The following DCDC2 variants were observed in gnomAD, a reference collection of about 807,000 sequenced individuals.
The protein encoded by DCDC2 is doublecortin domain-containing protein 2.
DCDC2 carries 40 observed loss-of-function variants against 50.2 expected under a neutral mutation model. The ratio of observed to expected loss-of-function variants is 0.80; its 90% CI spans 0.62 to 1.04. The LOEUF is 1.04. Among genes scored for constraint, DCDC2 ranks in the 50% least tolerant of loss-of-function variants. The pLI, the probability that DCDC2 is intolerant of heterozygous loss-of-function variation, is 0.00. For synonymous variants in DCDC2, 234 were observed against 210.6 expected, an observed-to-expected ratio of 1.11 and a Z score of -0.96; for missense variants, 570 against 581.9, an observed-to-expected ratio of 0.98 and a Z score of 0.21.
At chr6:24,249,580 T>C (rs1762756219) in intron 7 of DCDC2, among the ~76,000 whole-genome samples, 2 of 152,210 alleles carry the variant, frequency 1.3e-5, no homozygotes, top group African/African-American at 4.8e-5. Context: ...TATCTCCTTA[T>C]ACTCTTATGT....
At chr6:24,185,663 C>A (rs11965772) in intron 8 of DCDC2, among the ~76,000 whole-genome samples, 1 of 149,058 alleles carries the variant, frequency 6.7e-6, no homozygotes, top group Admixed American at 6.8e-5. Context: ...GAAGGAACAC[C>A]GGGTTTTACA....
At chr6:24,277,595 C>T (rs114215472) in intron 7 of DCDC2, among the ~76,000 whole-genome samples, 2,213 of 152,184 alleles carry the variant, frequency 0.015, 56 homozygotes, top group African/African-American at 0.05. Flanking sequence ...TTATTGTTTA[C>T]TGATAAAATG....
chr6:24,230,388 TC>T (rs1762315792), intron 7 of DCDC2, among the ~76,000 whole-genome samples: 1 of 152,058 alleles, frequency 6.6e-6, no homozygotes, highest in South Asian at 2.1e-4. Context: ...AAGCCTATAA[TC>T]CCAGCATTTT....
rs879275376 is a variant in DCDC2 at position 24,327,474 on chromosome 6, T to TGA, written c.349-25431_349-25430insTC. On this transcript the variant is annotated intron_variant, in intron 2 of 9. Coordinates refer to ENST00000378454, the MANE Select transcript of DCDC2 (RefSeq NM_016356.5). ...TAAACTTATTTATTTATTTATTTAT[T>TGA]TATTTATTTATTGGCTGATACGGAG... Among the ~76,000 whole-genome samples the TGA allele has an allele frequency of 5.5e-3, 777 of 142,470 alleles. 41 individuals carry two copies. The highest frequency in any genetic ancestry group is 6.2e-3 in the African/African-American group (236 of 37,894). The allele number at this position is 142,470 out of a possible 152,430, so 93.5% of individuals were successfully genotyped here.
rs544475192 is a variant in DCDC2, at chr6:24,299,955, T to C, written c.557+1760A>G. Among the ~76,000 whole-genome samples, 116 of 151,962 alleles carry C rather than the reference T, an allele frequency of 7.6e-4. No individual in the cohort carries two copies. The Middle Eastern group carries it at 0.01, about 13-fold the overall frequency. On this transcript the variant is annotated intron_variant, in intron 4 of 9. Transcript: ENST00000378454. The stretch of plus-strand genomic sequence containing the variant: ...AAAAATAAAAATAAATAAAATACTT[T>C]GTAGTCATTAAAAATAATAAAATAG...
intron 7 of DCDC2, among the ~76,000 whole-genome samples, chr6:24,270,364 A>AT (rs1431426920): frequency 6.6e-6 from 1 of 152,184 alleles, no homozygotes; most frequent in African/African-American, 2.4e-5. Flanking sequence ...CACCATCAAG[A>AT]TGTTCTAAAG....
At chr6:24,191,210 G>A (rs193081582) in intron 8 of DCDC2, among the ~76,000 whole-genome samples, 15 of 152,212 alleles carry the variant, frequency 9.9e-5, no homozygotes, top group East Asian at 1.9e-4. Flanking sequence ...ATATTTTATC[G>A]TATATGGAAA....
At chr6:24,240,648 G>C (rs554880002) in intron 7 of DCDC2, among the ~76,000 whole-genome samples, 1 of 152,158 alleles carries the variant, frequency 6.6e-6, no homozygotes, top group Non-Finnish European at 1.5e-5. Context: ...TAATACAAAA[G>C]GGCTAATCAG....
At chr6:24,202,004 CA>C (rs202091723) in intron 8 of DCDC2, among the ~76,000 whole-genome samples, 20 of 149,076 alleles carry the variant, frequency 1.3e-4, no homozygotes, top group Non-Finnish European at 1.6e-4. Context: ...GCCTGCCAGC[CA>C]AAAAAAAAGC....
intron 6 of DCDC2, among the ~76,000 whole-genome samples, chr6:24,280,961 T>G (rs982054913): frequency 6.6e-6 from 1 of 152,114 alleles, no homozygotes; most frequent in Non-Finnish European, 1.5e-5. Flanking sequence ...ACCCAATGAA[T>G]GGGAAACCCT....
intron 7 of DCDC2, among the ~76,000 whole-genome samples, chr6:24,243,243 G>C (rs1762602097): frequency 6.6e-6 from 1 of 152,176 alleles, no homozygotes; most frequent in Non-Finnish European, 1.5e-5. Context: ...ATGTTGTCTG[G>C]AAAAGGCAAA....
At chr6:24,309,081 C>T (rs1426617672) in intron 2 of DCDC2, among the ~76,000 whole-genome samples, 1 of 152,082 alleles carries the variant, frequency 6.6e-6, no homozygotes. Flanking sequence ...AATCCCAGCA[C>T]TTGGGGAGGC....
the DCDC2 span, among the ~76,000 whole-genome samples, chr6:24,368,808 T>A: frequency 6.6e-6 from 1 of 152,076 alleles, no homozygotes; most frequent in Non-Finnish European, 1.5e-5. Flanking sequence ...CACTGTCTGA[T>A]TGTGGAATGT....
chr6:24,371,613 A>G, the DCDC2 span, among the ~76,000 whole-genome samples: 19 of 152,286 alleles, frequency 1.2e-4, no homozygotes, highest in African/African-American at 4.6e-4. Context: ...CTGAAAAAAA[A>G]ATTGACAAAT....
At chr6:24,331,546 G>T (rs1010611065) in intron 2 of DCDC2, among the ~76,000 whole-genome samples, 16 of 151,868 alleles carry the variant, frequency 1.1e-4, no homozygotes, top group African/African-American at 3.6e-4. Flanking sequence ...AAAAGTTATT[G>T]AATAATTATA....
At chr6:24,351,829 G>A (rs1760377737) in intron 2 of DCDC2, among the ~76,000 whole-genome samples, 1 of 152,182 alleles carries the variant, frequency 6.6e-6, no homozygotes, top group Non-Finnish European at 1.5e-5. Context: ...TTTAAGGCCG[G>A]GCTTGGTGGC....
the DCDC2 span, among the ~76,000 whole-genome samples, chr6:24,366,948 C>G: frequency 6.6e-6 from 1 of 151,996 alleles, no homozygotes; most frequent in African/African-American, 2.4e-5. Flanking sequence ...TCCTCCTGCC[C>G]CAGCCTCCTT....
intron 2 of DCDC2, among the ~76,000 whole-genome samples, chr6:24,323,095 A>G (rs184937500): frequency 2.0e-5 from 3 of 152,354 alleles, no homozygotes; most frequent in African/African-American, 7.2e-5. Flanking sequence ...CTATAATCCT[A>G]ACACTTCGGG....
intron 2 of DCDC2, among the ~76,000 whole-genome samples, chr6:24,302,844 C>T (rs907288085): frequency 6.6e-6 from 1 of 151,982 alleles, no homozygotes; most frequent in African/African-American, 2.4e-5. Context: ...CACCTCTCAT[C>T]TCACCTCACC....
Sources: gnomAD v4.1 joint callset for allele counts (sites outside exome capture counted in the v4.1 genomes callset) on GRCh38, gnomAD v4.1.1 for gene constraint, MANE v1.5 for transcripts, NCBI Gene and HGNC (gene_info 2026-07-23, HGNC 2026-07-21) for gene names.